SNX18: variants seen among roughly 807,000 people sequenced by gnomAD.
SNX18 encodes sorting nexin-18.
A neutral mutation model predicts 48.7 loss-of-function variants in SNX18; 35 were observed. That is an observed-to-expected ratio of 0.72 (90% confidence interval 0.55 to 0.95). SNX18 has a LOEUF of 0.95. Ranked by LOEUF, SNX18 falls within the 40% of genes least tolerant of loss-of-function variation. SNX18 has a pLI of 0.00. For synonymous variants in SNX18, 492 were observed against 384.7 expected, an observed-to-expected ratio of 1.28 and a Z score of -3.26; for missense variants, 824 against 871.0, an observed-to-expected ratio of 0.95 and a Z score of 0.68.
chr5:54,582,574 C>T, the SNX18 span, among the ~76,000 whole-genome samples: 1 of 151,870 alleles, frequency 6.6e-6, no homozygotes, highest in African/African-American at 2.4e-5. Context: ...GCCTGGGCAA[C>T]ATAGTGCACC....
At chr5:54,585,279 G>A in the SNX18 span, among the ~76,000 whole-genome samples, 1 of 146,692 alleles carries the variant, frequency 6.8e-6, no homozygotes, top group African/African-American at 2.5e-5. Flanking sequence ...GTGACAGAGT[G>A]AGACTCTGTC....
chr5:54,598,469 T>C, the SNX18 span, among the ~76,000 whole-genome samples: 2 of 152,166 alleles, frequency 1.3e-5, no homozygotes, highest in Non-Finnish European at 2.9e-5. Context: ...TGAACATCAA[T>C]GTAAAAATTC....
the SNX18 span, among the ~76,000 whole-genome samples, chr5:54,623,212 G>A: frequency 6.6e-6 from 1 of 152,296 alleles, no homozygotes; most frequent in Middle Eastern, 3.4e-3. Context: ...AGGGCAGAGA[G>A]AGTCATTAGC....
the SNX18 span, among the ~76,000 whole-genome samples, chr5:54,635,660 G>A: frequency 6.6e-6 from 1 of 152,216 alleles, no homozygotes; most frequent in Admixed American, 6.5e-5. Flanking sequence ...AGTGGATGCT[G>A]TGGTCTCAGC....
At chr5:54,551,465 G>C (rs1431468666), downstream of SNX18, among the ~76,000 whole-genome samples, 1 of 152,142 alleles carries the variant, frequency 6.6e-6, no homozygotes, top group African/African-American at 2.4e-5. Flanking sequence ...TTTTGTGATG[G>C]CATTTTGCAA....
chr5:54,530,906 C>T (rs1762243701), intron 1 of SNX18, among the ~76,000 whole-genome samples: 1 of 151,746 alleles, frequency 6.6e-6, no homozygotes, highest in Non-Finnish European at 1.5e-5. Context: ...TGCCCGCCAC[C>T]ACACCCAGCT....
At chr5:54,565,894 G>A in the SNX18 span, among the ~76,000 whole-genome samples, 1 of 152,182 alleles carries the variant, frequency 6.6e-6, no homozygotes, top group Admixed American at 6.5e-5. Context: ...CAATGAACAT[G>A]TTCCCATTTA....
At chr5:54,618,915 T>C in the SNX18 span, among the ~76,000 whole-genome samples, 2 of 151,874 alleles carry the variant, frequency 1.3e-5, no homozygotes, top group African/African-American at 2.4e-5. Context: ...AGCATAAGCA[T>C]AATAAATTCG....
intron 1 of SNX18, among the ~76,000 whole-genome samples, chr5:54,529,159 C>T (rs1018085307): frequency 3.9e-5 from 6 of 152,050 alleles, no homozygotes; most frequent in Non-Finnish European, 5.9e-5. Flanking sequence ...TCAGACAAGA[C>T]GTGATAACAT....
rs994492658 is a variant in SNX18 at position 54,518,162 on chromosome 5, C to T, written c.210C>T (p.Gly70=). Reference sequence around the variant, plus strand: ...CCGAGCCTGGCCCGGCGGGAGACGGCGGCCCGGGCGCCCCGGCCCGCTACG... The same window carrying T: ...CCGAGCCTGGCCCGGCGGGAGACGGTGGCCCGGGCGCCCCGGCCCGCTACG... ...RAPEPGPAGD[G]GPGAPARYAN... Residue 70 remains glycine, a synonymous_variant, in exon 1 of 2, where the codon GGC becomes GGT. Transcript: ENST00000381410. The T allele has an allele frequency of 3.3e-5, 46 of 1,387,248 alleles. No individual in the cohort carries two copies. Among genetic ancestry groups the T allele is most frequent in the Non-Finnish European group, 4.2e-5 (45 of 1,077,698 alleles). The allele number at this position is 1,387,248 out of a possible 1,614,324, so 85.9% of individuals were successfully genotyped here.
chr5:54,647,995 T>C, the SNX18 span, among the ~76,000 whole-genome samples: 1 of 149,958 alleles, frequency 6.7e-6, no homozygotes, highest in Non-Finnish European at 1.5e-5. Flanking sequence ...TTGGTCTCAC[T>C]GACTTCAAAA....
rs779332439 is a variant in SNX18 at position 54,519,457 on chromosome 5, C to A, written c.1505C>A (p.Ala502Asp). ...AIAFTGDAYD[A>D]IGELFAEQPR... ...GCCTTCACCGGAGATGCCTATGACG[C>A]CATTGGCGAGCTCTTCGCGGAGCAG... Residue 502 changes from alanine to aspartate, a missense_variant, in exon 1 of 2, where the codon GCC (alanine) becomes GAC (aspartate). Around this residue, in one of 3 missense-constraint regions of SNX18, gnomAD observed 443 missense variants for 503.6 expected, o/e 0.88. Transcript: ENST00000381410. 6.2e-7 allele frequency: 1 copy of A among 1,614,180 alleles called. No individual in the cohort carries two copies. Among genetic ancestry groups the A allele is most frequent in the South Asian group, 1.1e-5 (1 of 91,086 alleles).
chr5:54,582,160 T>G, the SNX18 span, among the ~76,000 whole-genome samples: 1 of 152,226 alleles, frequency 6.6e-6, no homozygotes, highest in Non-Finnish European at 1.5e-5. Context: ...CTGTTTTCCT[T>G]TGAAGGATTC....
the SNX18 span, among the ~76,000 whole-genome samples, chr5:54,617,773 C>T: frequency 2.0e-5 from 3 of 152,090 alleles, no homozygotes; most frequent in African/African-American, 7.2e-5. Flanking sequence ...TGTTGCCCAG[C>T]CTGGTCTCCA....
At chr5:54,579,942 G>T in the SNX18 span, among the ~76,000 whole-genome samples, 1 of 152,110 alleles carries the variant, frequency 6.6e-6, no homozygotes, top group Non-Finnish European at 1.5e-5. Flanking sequence ...TACAATATAT[G>T]CAATGTATGT....
chr5:54,629,654 C>T, the SNX18 span, among the ~76,000 whole-genome samples: 8 of 152,106 alleles, frequency 5.3e-5, no homozygotes, highest in Non-Finnish European at 7.4e-5. Context: ...CTGAAGCCAA[C>T]GAATAATTCA....
chr5:54,600,232 A>G, the SNX18 span, among the ~76,000 whole-genome samples: 2 of 152,184 alleles, frequency 1.3e-5, no homozygotes, highest in African/African-American at 2.4e-5. Context: ...AAAAAGCTCA[A>G]CATCACCAAT....
At chr5:54,609,618 C>T in the SNX18 span, among the ~76,000 whole-genome samples, 1 of 152,064 alleles carries the variant, frequency 6.6e-6, no homozygotes, top group East Asian at 1.9e-4. Context: ...GCCTCAAATC[C>T]TTCTATTTGT....
the SNX18 span, among the ~76,000 whole-genome samples, chr5:54,556,602 A>G: frequency 6.6e-6 from 1 of 152,174 alleles, no homozygotes; most frequent in African/African-American, 2.4e-5. Flanking sequence ...TTCTCTTGCC[A>G]TGAACATAGC....
Sources: allele counts gnomAD v4.1 joint callset (sites outside exome capture counted in the v4.1 genomes callset), GRCh38; gene constraint gnomAD v4.1.1; regional missense constraint gnomAD v4.1.1; transcripts MANE v1.5; gene names NCBI Gene and HGNC (gene_info 2026-07-23, HGNC 2026-07-21).